LYPD1: variants seen among roughly 807,000 people sequenced by gnomAD.
The protein encoded by LYPD1 is LY6/PLAUR domain containing 1.
In LYPD1, 14 loss-of-function variants were observed where a neutral mutation model predicts 14.2. The ratio of observed to expected loss-of-function variants is 0.99; its 90% CI spans 0.65 to 1.54. LYPD1 has a LOEUF of 1.54. LYPD1 is among the 40% of genes most tolerant of loss of function. The probability of loss-of-function intolerance (pLI) is 0.00; values close to 1 mark genes in which losing one functional copy is unlikely to be tolerated. For missense variants in LYPD1, 165 were observed against 175.7 expected, an observed-to-expected ratio of 0.94 and a Z score of 0.34; for synonymous variants, 85 against 70.6, an observed-to-expected ratio of 1.20 and a Z score of -1.02.
chr2:132,663,660 T>C lies in LYPD1; in HGVS notation c.190+4740A>G, dbSNP rs1390195784. The stretch of plus-strand genomic sequence containing the variant: ...TTGTTTTTGTTTTGCACTTTATTCA[T>C]AGAGCATATTCCATAGCCCATCTGA... On this transcript the variant is annotated intron_variant, in intron 2 of 2. Coordinates refer to ENST00000397463, the MANE Select transcript of LYPD1 (RefSeq NM_144586.7). Among the ~76,000 whole-genome samples the C allele has an allele frequency of 2.0e-5, 3 of 152,196 alleles. No individual in the cohort carries two copies. The East Asian group carries it at 5.8e-4, about 29-fold the overall frequency.
At chr2:132,666,002 T>C (rs2104925925) in intron 2 of LYPD1, among the ~76,000 whole-genome samples, 1 of 152,296 alleles carries the variant, frequency 6.6e-6, no homozygotes, top group Middle Eastern at 3.4e-3. Flanking sequence ...CATTACTTTC[T>C]CTGGAGAGGA....
At position 132,645,097 on chromosome 2, in the gene LYPD1, C is replaced by G; in HGVS notation, c.*948G>C. ...GTCTCTCCCTCCTGCTCGTGTCTGCCCAGGGCTGATTGTTGTGACATTGGC... is the reference window on the plus strand; with the variant it reads ...GTCTCTCCCTCCTGCTCGTGTCTGCGCAGGGCTGATTGTTGTGACATTGGC... On this transcript the variant is annotated 3_prime_UTR_variant, in exon 3 of 3. Coordinates refer to ENST00000397463, the MANE Select transcript of LYPD1 (RefSeq NM_144586.7). 1 of 1,609,958 alleles carries G rather than the reference C, an allele frequency of 6.2e-7. No homozygotes were observed. The highest frequency in any genetic ancestry group is 8.5e-7 in the Non-Finnish European group (1 of 1,177,714).
chr2:132,645,843 T>C lies in LYPD1; in HGVS notation c.*202A>G, dbSNP rs1009278956. 1 of 662,614 alleles carries C rather than the reference T, an allele frequency of 1.5e-6. No homozygotes were observed. The highest frequency in any genetic ancestry group is 3.2e-5 in the Admixed American group (1 of 30,780). The allele number at this position is 662,614 out of a possible 1,614,324, so 41.0% of individuals were successfully genotyped here. Reference sequence around the variant, plus strand: ...ACTCCACCTCCTTCCTTCAAGTACATACTGAAAATTCAGTCAGGCTGAATT... The same window carrying C: ...ACTCCACCTCCTTCCTTCAAGTACACACTGAAAATTCAGTCAGGCTGAATT... On this transcript the variant is annotated 3_prime_UTR_variant, in exon 3 of 3. Transcript: ENST00000397463.
At chr2:132,667,080 A>C (rs1379782762) in intron 2 of LYPD1, 1 of 152,194 alleles carries the variant, frequency 6.6e-6, no homozygotes, top group East Asian at 1.9e-4. Flanking sequence ...AAGTAGAAAA[A>C]AATCCCATTT....
At chr2:132,656,525 A>ATT (rs138478348) in intron 2 of LYPD1, among the ~76,000 whole-genome samples, 18 of 151,916 alleles carry the variant, frequency 1.2e-4, no homozygotes, top group African/African-American at 4.4e-4. Context: ...GCATCCAAGT[A>ATT]TTTTTTTTGT....
At chr2:132,646,814 G>C (rs1293385273) in intron 2 of LYPD1, among the ~76,000 whole-genome samples, 1 of 152,286 alleles carries the variant, frequency 6.6e-6, no homozygotes, top group East Asian at 1.9e-4. Flanking sequence ...AGTTTTCCAC[G>C]GGATTTAGTG....
chr2:132,668,433 T>C lies in LYPD1; in HGVS notation c.157A>G (p.Met53Val). 6.2e-7 allele frequency: 1 copy of C among 1,608,968 alleles called. No individual in the cohort carries two copies. The highest frequency in any genetic ancestry group is 1.1e-5 in the South Asian group (1 of 89,996). Reference sequence around the variant, plus strand: ...TGCTCCATCACTTCTTTCTGACACATGTCTTGAACGTTCACCGTGCAATTC... The same window carrying C: ...TGCTCCATCACTTCTTTCTGACACACGTCTTGAACGTTCACCGTGCAATTC... ...IVNCTVNVQD[M>V]CQKEVMEQSA... The change falls in exon 2 of 3, where the codon ATG (methionine) becomes GTG (valine). Residue 53 changes from methionine (M) to valine (V), a missense_variant. Coordinates refer to ENST00000397463, the MANE Select transcript of LYPD1 (RefSeq NM_144586.7).
chr2:132,665,931 T>A (rs1373606556), intron 2 of LYPD1, among the ~76,000 whole-genome samples: 1 of 152,174 alleles, frequency 6.6e-6, no homozygotes, highest in African/African-American at 2.4e-5. Flanking sequence ...GGACAACATA[T>A]GTTATTGATC....
rs1681941839 is a variant in LYPD1 at position 132,644,364 on chromosome 2, T to TGTTA, written c.*1677_*1680dup. Among the ~76,000 whole-genome samples the TGTTA allele has an allele frequency of 6.6e-6, 1 of 152,228 alleles. No homozygotes were observed. The highest frequency in any genetic ancestry group is 2.4e-5 in the African/African-American group (1 of 41,470). ...CTCAGTGCTGCAAAGGAAGGGAACA[T>TGTTA]GTTACTGGCTGAACTAGAAGGAAGT... On this transcript the variant is annotated 3_prime_UTR_variant, in exon 3 of 3. Transcript: ENST00000397463.
chr2:132,654,462 C>T (rs957438045), intron 2 of LYPD1, among the ~76,000 whole-genome samples: 4 of 151,746 alleles, frequency 2.6e-5, no homozygotes, highest in Admixed American at 6.6e-5. Flanking sequence ...CTGTGCTACA[C>T]GTACCCCCAA....
rs147418150 is a variant in LYPD1 at position 132,645,023 on chromosome 2, A to C, written c.*1022T>G. 8,689 of 1,485,998 alleles carry C rather than the reference A, an allele frequency of 5.8e-3. 32 individuals carry two copies. The highest frequency in any genetic ancestry group is 6.7e-3 in the Non-Finnish European group (7,360 of 1,099,880). The allele number at this position is 1,485,998 out of a possible 1,614,324, so 92.1% of individuals were successfully genotyped here. On this transcript the variant is annotated 3_prime_UTR_variant, in exon 3 of 3. Transcript: ENST00000397463. The stretch of plus-strand genomic sequence containing the variant: ...ACAGAACAGAGGGGCTAAATATTTT[A>C]TGGTTTTATTCATTTACTGTGTTCT...
At chr2:132,668,657 C>G in intron 1 of LYPD1, 120 bp from the exon 2 acceptor site, 1 of 1,383,300 alleles carries the variant, frequency 7.2e-7, no homozygotes, top group South Asian at 1.4e-5. Flanking sequence ...TAGACCACTC[C>G]TGGGTCTCCG....
Position 132,644,950 on chromosome 2 carries a change from T to TGTCA in LYPD1, c.*1091_*1094dup, listed in dbSNP as rs1474120493. The TGTCA allele has an allele frequency of 1.2e-6, 1 of 813,862 alleles. No homozygotes were observed. The highest frequency in any genetic ancestry group is 1.7e-5 in the African/African-American group (1 of 57,952). 50.4% of individuals were successfully genotyped at this position (813,862 alleles called of 1,614,324 possible). A position where few individuals can be genotyped will look rare whatever the true frequency, so the allele number is the denominator to read the frequency against. ...CTCTCTTGCTTGTGGCAAAAGAAGC[T>TGTCA]GTCAAGTCCAACACTGAAAAATTGG... On this transcript the variant is annotated 3_prime_UTR_variant, in exon 3 of 3. Transcript: ENST00000397463.
intron 2 of LYPD1, 106 bp from the exon 3 acceptor site, chr2:132,646,386 G>T: frequency 3.1e-6 from 2 of 655,148 alleles, no homozygotes; most frequent in East Asian, 3.4e-5. Flanking sequence ...TCCTCCCACA[G>T]CCCAGAGACT....
intron 2 of LYPD1, among the ~76,000 whole-genome samples, 160 bp downstream of exon 2, chr2:132,668,240 G>A (rs1683396278): frequency 6.6e-6 from 1 of 152,118 alleles, no homozygotes; most frequent in Non-Finnish European, 1.5e-5. Flanking sequence ...AAAGTAACTT[G>A]GAACTCTTCA....
chr2:132,663,998 T>C (rs56677346), intron 2 of LYPD1, among the ~76,000 whole-genome samples: 3,545 of 152,228 alleles, frequency 0.023, 138 homozygotes, highest in African/African-American at 0.08. Context: ...TGCAAATATA[T>C]ATACAGGCAA....
intron 2 of LYPD1, among the ~76,000 whole-genome samples, chr2:132,658,032 G>A (rs946638000): frequency 3.3e-5 from 5 of 152,150 alleles, no homozygotes; most frequent in Admixed American, 6.5e-5. Flanking sequence ...TTTCTGGGGG[G>A]ACTTTGGAAA....
intron 2 of LYPD1, among the ~76,000 whole-genome samples, chr2:132,648,483 T>TGTTAACA (rs3832030): frequency 0.073 from 11,021 of 151,924 alleles, 1,334 homozygotes; most frequent in African/African-American, 0.25. Flanking sequence ...TGCACACAGT[T>TGTTAACA]GTATCACATC....
upstream of LYPD1, chr2:132,671,406 G>A (rs1018184916): frequency 1.3e-5 from 2 of 152,420 alleles, no homozygotes; most frequent in Non-Finnish European, 2.9e-5. Flanking sequence ...CCACTTCTGG[G>A]GGCAGCTCTC....
Sources: gnomAD v4.1 joint callset for allele counts (sites outside exome capture counted in the v4.1 genomes callset) on GRCh38, gnomAD v4.1.1 for gene constraint, MANE v1.5 for transcripts, NCBI Gene and HGNC (gene_info 2026-07-23, HGNC 2026-07-21) for gene names.